The following SECISBP2L variants were observed in gnomAD, a reference collection of about 807,000 sequenced individuals.
SECISBP2L encodes the protein SECIS binding protein 2 like, also known as selenocysteine insertion sequence-binding protein 2-like.
In SECISBP2L, 43 loss-of-function variants were observed where a neutral mutation model predicts 114.7. That is an observed-to-expected ratio of 0.38 (90% CI 0.29 to 0.48). The LOEUF is 0.48. SECISBP2L is among the 20% of genes least tolerant of loss of function. The pLI, the probability that SECISBP2L is intolerant of heterozygous loss-of-function variation, is 0.98. For synonymous variants in SECISBP2L, 451 were observed against 439.7 expected, an observed-to-expected ratio of 1.03 and a Z score of -0.32; for missense variants, 1,136 against 1,301.1, an observed-to-expected ratio of 0.87 and a Z score of 1.95.
chr15:48,993,100 A>AGT (rs71120653), intron 17 of SECISBP2L, among the ~76,000 whole-genome samples, 174 bp from the exon 18 acceptor site: 3,782 of 139,192 alleles, frequency 0.027, 60 homozygotes, highest in Middle Eastern at 0.06. Context: ...ACAGAGAGAG[A>AGT]GTGTGTGTGT....
chr15:49,012,853 G>C, intron 11 of SECISBP2L, 36 bp from the exon 12 acceptor site: 1 of 1,574,998 alleles, frequency 6.3e-7, no homozygotes, highest in East Asian at 2.2e-5. Flanking sequence ...TCACCATTAG[G>C]GCCAATCCCA....
At chr15:49,024,510 AAAAAG>A (rs1902703165) in intron 7 of SECISBP2L, among the ~76,000 whole-genome samples, 1 of 151,862 alleles carries the variant, frequency 6.6e-6, no homozygotes, top group Admixed American at 6.6e-5. Context: ...AAAAAAAAAA[AAAAAG>A]AAAGAAATCA....
chr15:49,026,334 A>G (rs922952453), intron 7 of SECISBP2L, among the ~76,000 whole-genome samples: 5 of 152,204 alleles, frequency 3.3e-5, no homozygotes, highest in African/African-American at 1.2e-4. Context: ...ACAGTTAACA[A>G]TAATTTAATG....
At chr15:49,011,559 A>T (rs1231902794) in intron 13 of SECISBP2L, 172 bp downstream of exon 13, 1 of 704,792 alleles carries the variant, frequency 1.4e-6, no homozygotes, top group Non-Finnish European at 2.3e-6. Flanking sequence ...CTTCTCTTTA[A>T]CCATCTCCCT....
chr15:49,003,563 T>C (rs1218897200), intron 14 of SECISBP2L, among the ~76,000 whole-genome samples: 3 of 152,236 alleles, frequency 2.0e-5, no homozygotes, highest in South Asian at 2.1e-4. Context: ...CAGTATGATA[T>C]TGGCTGTGGG....
intron 1 of SECISBP2L, among the ~76,000 whole-genome samples, chr15:49,043,827 T>C (rs957959155): frequency 6.6e-5 from 10 of 152,050 alleles, no homozygotes; most frequent in Admixed American, 6.6e-4. Flanking sequence ...CATCTAGCAC[T>C]GTATTCCCAG....
chr15:49,004,373 A>G (rs756773304), intron 14 of SECISBP2L, among the ~76,000 whole-genome samples: 11 of 152,006 alleles, frequency 7.2e-5, no homozygotes, highest in Non-Finnish European at 1.5e-4. Context: ...AATCTTTTCA[A>G]AAAACCAGCT....
chr15:49,009,236 G>C lies in SECISBP2L; in HGVS notation c.2007C>G (p.Ile669Met). 6 of 1,614,034 alleles carry C rather than the reference G, an allele frequency of 3.7e-6. No individual in the cohort carries two copies. The highest frequency in any genetic ancestry group is 5.1e-6 in the Non-Finnish European group (6 of 1,179,964). ...SPMASSTITK[I>M]HSKRFREYCN... is the part of the protein sequence containing the mutation. ...CTTACTCTCTAAATCTTTTGCTGTGGATTTTGGTTATTGTTGAAGATGCCA... is the reference window on the plus strand; with the variant it reads ...CTTACTCTCTAAATCTTTTGCTGTGCATTTTGGTTATTGTTGAAGATGCCA... Residue 669 changes from isoleucine (I) to methionine (M), a missense_variant, in exon 14 of 18, where the codon ATC (isoleucine) becomes ATG (methionine). Transcript: ENST00000559471.
rs765230609 is a variant in SECISBP2L at position 49,028,632 on chromosome 15, T to C, written c.715A>G (p.Met239Val). 4 of 1,614,148 alleles carry C rather than the reference T, an allele frequency of 2.5e-6. No individual in the cohort carries two copies. The highest frequency in any genetic ancestry group is 3.4e-6 in the Non-Finnish European group (4 of 1,180,008). ...NKSLSETTAT[M>V]LWKSKGRRRR... Reference sequence around the variant, plus strand: ...CTCCTGCCCTTGGACTTCCAGAGCATTGTTGCAGTGGTCTCTGAGAGAGAC... The same window carrying C: ...CTCCTGCCCTTGGACTTCCAGAGCACTGTTGCAGTGGTCTCTGAGAGAGAC... The change falls in exon 5 of 18, where the codon ATG (methionine) becomes GTG (valine). Residue 239 changes from methionine (M) to valine (V), a missense_variant. By Grantham distance (21) the Met-to-Val change is conservative (BLOSUM62 1). Coordinates refer to ENST00000559471, the MANE Select transcript of SECISBP2L (RefSeq NM_001193489.2).
intron 1 of SECISBP2L, among the ~76,000 whole-genome samples, chr15:49,043,736 A>C (rs957891290): frequency 6.6e-6 from 1 of 152,060 alleles, no homozygotes; most frequent in African/African-American, 2.4e-5. Context: ...CTCTATAAAA[A>C]GTGCTGAAAG....
At chr15:49,007,833 G>C (rs1902355348) in intron 14 of SECISBP2L, among the ~76,000 whole-genome samples, 1 of 152,122 alleles carries the variant, frequency 6.6e-6, no homozygotes, top group African/African-American at 2.4e-5. Context: ...ATGGCCTCAA[G>C]AGTGCCTAGA....
At chr15:49,036,232 G>A (rs1903003378) in intron 2 of SECISBP2L, among the ~76,000 whole-genome samples, 2 of 152,208 alleles carry the variant, frequency 1.3e-5, no homozygotes, top group African/African-American at 2.4e-5. Flanking sequence ...AGGGAAAGAA[G>A]AGAAGAGGCA....
chr15:49,046,186 C>G, intron 1 of SECISBP2L, 90 bp downstream of exon 1: 1 of 1,452,618 alleles, frequency 6.9e-7, no homozygotes, highest in Non-Finnish European at 9.3e-7. Flanking sequence ...GACCGGCCCC[C>G]GGTCCCCACG....
chr15:49,030,891 G>A (rs184111849), intron 4 of SECISBP2L, among the ~76,000 whole-genome samples: 40 of 152,140 alleles, frequency 2.6e-4, no homozygotes, highest in Admixed American at 1.7e-3. Context: ...CATATCTAGA[G>A]GAAAAGTTCT....
At chr15:49,025,898 A>T (rs1279222790) in intron 7 of SECISBP2L, among the ~76,000 whole-genome samples, 1 of 152,230 alleles carries the variant, frequency 6.6e-6, no homozygotes, top group African/African-American at 2.4e-5. Context: ...AGAAAAGGCC[A>T]TCAGTATGTT....
chr15:49,046,275 C>G lies in SECISBP2L; in HGVS notation c.24+1G>C. 6.4e-7 allele frequency: 1 copy of G among 1,562,986 alleles called. No homozygotes were observed. The highest frequency in any genetic ancestry group is 8.6e-7 in the Non-Finnish European group (1 of 1,156,588). ...GGCGGGCCCAGCCCAAACCCGCGTA[C>G]CTGCTCCGTGGGGGCTCGGTCCATG... is the stretch of plus-strand genomic sequence containing the variant. On this transcript the variant is annotated splice_donor_variant, in intron 1 of 17. Coordinates refer to ENST00000559471, the MANE Select transcript of SECISBP2L (RefSeq NM_001193489.2). LOFTEE classifies it high-confidence loss of function.
rs988461245 is a variant in SECISBP2L at position 49,046,416 on chromosome 15, C to A, written c.-117G>T. ...GTTCCGGACCTCCGCCCCTATCTGG[C>A]TGGCCGCGACACCGATTCGGCTACG... On this transcript the variant is annotated 5_prime_UTR_variant, in exon 1 of 18. Transcript: ENST00000559471. The A allele has an allele frequency of 4.4e-6, 5 of 1,131,010 alleles. No homozygotes were observed. Among genetic ancestry groups the A allele is most frequent in the Non-Finnish European group, 5.9e-6 (5 of 845,882 alleles). 70.1% of individuals were successfully genotyped at this position (1,131,010 alleles called of 1,614,324 possible). A position where few individuals can be genotyped will look rare whatever the true frequency, so the allele number is the denominator to read the frequency against.
intron 16 of SECISBP2L, 79 bp from the exon 17 acceptor site, chr15:48,996,665 CTGTT>C (rs1293447664): frequency 1.6e-6 from 2 of 1,267,802 alleles, no homozygotes; most frequent in Non-Finnish European, 1.1e-6. Context: ...AATATCTCTA[CTGTT>C]TGTTTCAGGG....
At chr15:49,006,527 G>A (rs963390988) in intron 14 of SECISBP2L, among the ~76,000 whole-genome samples, 22 of 151,554 alleles carry the variant, frequency 1.5e-4, no homozygotes, top group East Asian at 5.8e-4. Flanking sequence ...CCTTTCTTCC[G>A]CTTGATCGAT....
Sources: allele counts gnomAD v4.1 joint callset (sites outside exome capture counted in the v4.1 genomes callset), GRCh38; gene constraint gnomAD v4.1.1; transcripts MANE v1.5; gene names NCBI Gene and HGNC (gene_info 2026-07-23, HGNC 2026-07-21).